STK32B: variants seen among roughly 807,000 people sequenced by gnomAD.
The protein encoded by STK32B is serine/threonine kinase 32B, also known as serine/threonine-protein kinase 32B.
STK32B carries 43 observed loss-of-function variants against 52.6 expected under a neutral mutation model. That is an observed-to-expected ratio of 0.82 (90% confidence interval 0.64 to 1.05). The LOEUF is 1.05. STK32B is among the 50% of genes least tolerant of loss of function. The pLI, the probability that STK32B is intolerant of heterozygous loss-of-function variation, is 0.00. For missense variants in STK32B, 621 were observed against 534.6 expected, an observed-to-expected ratio of 1.16 and a Z score of -1.59; for synonymous variants, 238 against 204.3, an observed-to-expected ratio of 1.17 and a Z score of -1.41.
intron 5 of STK32B, among the ~76,000 whole-genome samples, chr4:5,405,601 G>C (rs902157023): frequency 3.3e-5 from 5 of 152,142 alleles, no homozygotes; most frequent in African/African-American, 1.2e-4. Context: ...CAGGAGGCAT[G>C]GCTGGGGAGG....
At chr4:5,270,984 C>T (rs1415985221) in intron 3 of STK32B, among the ~76,000 whole-genome samples, 1 of 151,452 alleles carries the variant, frequency 6.6e-6, no homozygotes, top group African/African-American at 2.4e-5. Context: ...GTCACCCAGG[C>T]TGGAGTGCAG....
chr4:5,308,118 G>A (rs1013275157), intron 3 of STK32B, among the ~76,000 whole-genome samples: 4 of 152,156 alleles, frequency 2.6e-5, no homozygotes, highest in African/African-American at 7.2e-5. Context: ...CAGCCAGGAG[G>A]TGTCGCTTTC....
chr4:5,019,563 G>T, the STK32B span: 6 of 1,147,824 alleles, frequency 5.2e-6, no homozygotes, highest in Non-Finnish European at 6.8e-6. Context: ...TCCATCCAGG[G>T]TGGCAGAGAG....
intron 3 of STK32B, among the ~76,000 whole-genome samples, chr4:5,301,208 A>G (rs956685429): frequency 3.9e-5 from 6 of 151,990 alleles, no homozygotes; most frequent in Non-Finnish European, 7.4e-5. Context: ...CTGTGTCTGT[A>G]TTTATGAAGG....
chr4:5,293,205 G>A (rs1430226894), intron 3 of STK32B, among the ~76,000 whole-genome samples: 1 of 151,924 alleles, frequency 6.6e-6, no homozygotes, highest in Non-Finnish European at 1.5e-5. Context: ...TGGGCTTTTG[G>A]GTTGGTTCCA....
intron 1 of STK32B, among the ~76,000 whole-genome samples, chr4:5,091,397 A>G (rs752642023): frequency 1.3e-5 from 2 of 152,154 alleles, no homozygotes; most frequent in African/African-American, 2.4e-5. Flanking sequence ...AGACAACCCA[A>G]TTTTAAAATG....
Position 5,181,654 on chromosome 4 carries a change from C to T in STK32B, c.260+13204C>T, listed in dbSNP as rs113128360. On this transcript the variant is annotated intron_variant, in intron 3 of 11. Transcript: ENST00000282908. ...TTGCAGTGTATATAAAAGTTGTTTA[C>T]GCCATACTGTAGTCGATTAAGTGTG... Among the ~76,000 whole-genome samples the T allele has an allele frequency of 6.6e-4, 101 of 152,282 alleles. 1 individual carries two copies. The highest frequency in any genetic ancestry group is 2.2e-3 in the African/African-American group (90 of 41,562).
intron 5 of STK32B, among the ~76,000 whole-genome samples, chr4:5,405,945 A>G (rs966121507): frequency 6.6e-6 from 1 of 152,150 alleles, no homozygotes; most frequent in African/African-American, 2.4e-5. Context: ...ACAGTCCTCC[A>G]AAGTCTTAAC....
At chr4:5,436,191 G>C (rs1219734759) in intron 6 of STK32B, among the ~76,000 whole-genome samples, 1 of 152,202 alleles carries the variant, frequency 6.6e-6, no homozygotes, top group Non-Finnish European at 1.5e-5. Context: ...AAAGATTCCA[G>C]GATCAAGTCA....
At chr4:5,493,405 T>A (rs1287122787) in intron 11 of STK32B, among the ~76,000 whole-genome samples, 2 of 152,220 alleles carry the variant, frequency 1.3e-5, no homozygotes, top group Non-Finnish European at 2.9e-5. Context: ...AGTTTGTATT[T>A]CTGTGGGATC....
At chr4:5,127,669 A>G (rs941363227) in intron 1 of STK32B, among the ~76,000 whole-genome samples, 1 of 152,218 alleles carries the variant, frequency 6.6e-6, no homozygotes, top group Non-Finnish European at 1.5e-5. Flanking sequence ...ATAAAGGGGA[A>G]GGCCATGTGA....
At chr4:5,181,028 G>A (rs1232037116) in intron 3 of STK32B, among the ~76,000 whole-genome samples, 1 of 152,144 alleles carries the variant, frequency 6.6e-6, no homozygotes, top group Non-Finnish European at 1.5e-5. Flanking sequence ...GCCCTGGTGG[G>A]ATGGGTGTGG....
chr4:5,227,485 C>T (rs1195750995), intron 3 of STK32B, among the ~76,000 whole-genome samples: 1 of 152,170 alleles, frequency 6.6e-6, no homozygotes, highest in Non-Finnish European at 1.5e-5. Flanking sequence ...AATTGAAAAG[C>T]TGTCTAATTC....
intron 1 of STK32B, among the ~76,000 whole-genome samples, chr4:5,067,088 G>C (rs920778607): frequency 2.6e-5 from 4 of 152,122 alleles, no homozygotes; most frequent in African/African-American, 9.7e-5. Context: ...CCAGTTCCAC[G>C]TGGCTGAGAA....
In STK32B at chr4:5,316,442, TA is replaced by T. The variant is rs1330068740; in HGVS notation, c.261-14777del. Among the ~76,000 whole-genome samples, 7 of 19,960 alleles carry T rather than the reference TA, an allele frequency of 3.5e-4. 1 individual carries two copies. The highest frequency in any genetic ancestry group is 1.0e-3 in the Admixed American group (1 of 988). The allele number at this position is 19,960 out of a possible 152,430, so 13.1% of individuals were successfully genotyped here. A position where few individuals can be genotyped will look rare whatever the true frequency, so the allele number is the denominator to read the frequency against. On this transcript the variant is annotated intron_variant, in intron 3 of 11. Transcript: ENST00000282908. ...TATTACATATATAATATATAATATA[TA>T]TTACATATATAATATATAATATATA...
At chr4:5,035,267 C>G in the STK32B span, among the ~76,000 whole-genome samples, 1 of 152,224 alleles carries the variant, frequency 6.6e-6, no homozygotes, top group Non-Finnish European at 1.5e-5. Context: ...AGACATGAAT[C>G]TGTGAATCAA....
At chr4:5,401,899 C>T (rs1219906049) in intron 5 of STK32B, among the ~76,000 whole-genome samples, 1 of 152,224 alleles carries the variant, frequency 6.6e-6, no homozygotes, top group African/African-American at 2.4e-5. Context: ...GCTGGGCTTG[C>T]TCCTAAGACC....
At chr4:5,253,509 G>T in intron 3 of STK32B, among the ~76,000 whole-genome samples, 1 of 152,000 alleles carries the variant, frequency 6.6e-6, no homozygotes. Flanking sequence ...GAAATGGCTG[G>T]GATTACAGGT....
chr4:5,364,111 A>G (rs940994259), intron 4 of STK32B, among the ~76,000 whole-genome samples: 2 of 152,060 alleles, frequency 1.3e-5, no homozygotes, highest in East Asian at 1.9e-4. Flanking sequence ...TGTCCACAGG[A>G]CAAAGTCTTA....
Sources: gnomAD v4.1 joint callset for allele counts (sites outside exome capture counted in the v4.1 genomes callset) on GRCh38, gnomAD v4.1.1 for gene constraint, MANE v1.5 for transcripts, NCBI Gene and HGNC (gene_info 2026-07-23, HGNC 2026-07-21) for gene names.